Variants in CELSR1 observed in about 807,000 individuals in gnomAD.
The protein encoded by CELSR1 is adhesion G protein-coupled receptor C1.
A neutral mutation model predicts 249.1 loss-of-function variants in CELSR1; 110 were observed. The observed-to-expected ratio is 0.44, with a 90% CI of 0.38 to 0.52. The LOEUF (loss-of-function observed/expected upper bound fraction) is 0.52. Among genes scored for constraint, CELSR1 ranks in the 20% least tolerant of loss-of-function variants. The pLI, the probability that CELSR1 is intolerant of heterozygous loss-of-function variation, is 0.00. For synonymous variants in CELSR1, 2,113 were observed against 1,900.0 expected (o/e 1.11, Z -2.92); for missense variants, 4,109 against 4,296.4 (o/e 0.96, Z 1.22).
At chr22:46,397,104 TTTTA>T (rs1380793062) in intron 12 of CELSR1, among the ~76,000 whole-genome samples, 3 of 151,958 alleles carry the variant, frequency 2.0e-5, no homozygotes, top group Non-Finnish European at 4.4e-5. Context: ...TCACTAATTC[TTTTA>T]TTTATTTATT....
rs1297845473 is a variant in CELSR1 at position 46,473,855 on chromosome 22, C to A, written c.3545-9510G>T. ...TTTTAGAGGCCAGATTGGGGCCAGA[C>A]AACAGGTGCGATGTGTTGATCCTGC... On this transcript the variant is annotated intron_variant, in intron 1 of 34. Transcript: ENST00000674500. The surrounding 1 kb of genome is among the most constrained non-coding windows in gnomAD (Gnocchi z 6.6). 6.6e-6 allele frequency among the ~76,000 whole-genome samples: 1 copy of A among 152,110 alleles called. No individual in the cohort carries two copies. The highest frequency in any genetic ancestry group is 1.5e-5 in the Non-Finnish European group (1 of 68,022).
At chr22:46,499,851 G>A (rs1408556954) in intron 1 of CELSR1, among the ~76,000 whole-genome samples, 1 of 152,010 alleles carries the variant, frequency 6.6e-6, no homozygotes. Flanking sequence ...TCATCTGTCA[G>A]ACATAAAACC....
At position 46,420,409 on chromosome 22, in the gene CELSR1, TG is replaced by T. The variant is rs201941655; in HGVS notation, c.4612-8651del. On this transcript the variant is annotated intron_variant, in intron 5 of 34. Transcript: ENST00000674500. Reference sequence around the variant, plus strand: ...GCACTCACCCACACATTTACACGTGTGCTTCTTCACACACGTGCACACACCC... The same window carrying T: ...GCACTCACCCACACATTTACACGTGTCTTCTTCACACACGTGCACACACCC... Among the ~76,000 whole-genome samples, 851 of 151,602 alleles carry T rather than the reference TG, an allele frequency of 5.6e-3. 10 individuals are homozygous for T. Among genetic ancestry groups the T allele is most frequent in the African/African-American group, 0.016 (657 of 41,324 alleles).
intron 1 of CELSR1, among the ~76,000 whole-genome samples, chr22:46,510,869 C>T (rs180791488): frequency 6.6e-6 from 1 of 152,136 alleles, no homozygotes; most frequent in South Asian, 2.1e-4. Context: ...CCCACCAGCA[C>T]TTCAGGAGGC....
intron 1 of CELSR1, among the ~76,000 whole-genome samples, chr22:46,478,448 C>A (rs148709643): frequency 6.6e-6 from 1 of 152,348 alleles, no homozygotes; most frequent in Non-Finnish European, 1.5e-5. Flanking sequence ...GACAATGCGG[C>A]CCTGAGCACC....
intron 2 of CELSR1, among the ~76,000 whole-genome samples, chr22:46,456,655 T>A (rs1280798201): frequency 2.1e-5 from 2 of 94,886 alleles, no homozygotes; most frequent in Non-Finnish European, 1.9e-5. Context: ...AGAGCGAGAC[T>A]CTGTCTAAAA....
In CELSR1 at chr22:46,363,281, G is replaced by A. The variant is rs1331625504; in HGVS notation, c.9036-34C>T. 13 of 1,583,324 alleles carry A rather than the reference G, an allele frequency of 8.2e-6. No individual in the cohort carries two copies. In the Admixed American group the frequency reaches 1.3e-4, roughly 16 times the overall value. On this transcript the variant is annotated intron_variant, in intron 34 of 34. Coordinates refer to ENST00000674500, the MANE Select transcript of CELSR1 (RefSeq NM_001378328.1). This position sits in a 1 kb window ranked among gnomAD's most constrained non-coding sequence, Gnocchi z 4.3. ...GGGAAGAAGCCAGCAAGCAGGTGAA[G>A]GGTCAGTGAGGGTAGCGGCTTGGTG... is the stretch of plus-strand genomic sequence containing the variant.
intron 12 of CELSR1, 84 bp downstream of exon 12, chr22:46,397,590 T>C (rs1300649395): frequency 2.3e-5 from 29 of 1,266,250 alleles, no homozygotes; most frequent in Admixed American, 3.4e-5. Flanking sequence ...CTGGGGACGC[T>C]AATGTCTAAA....
rs1342968000 is a variant in CELSR1, at chr22:46,399,347, C to CT, written c.5412+369dup. Among the ~76,000 whole-genome samples, 1 of 152,206 alleles carries CT rather than the reference C, an allele frequency of 6.6e-6. No homozygotes were observed. The highest frequency in any genetic ancestry group is 2.4e-5 in the African/African-American group (1 of 41,444). ...CCCAGTTTTGCTCCCCATCCATGCTCTGAGGGCACGGGCCCCAGCATTGCT... is the reference window on the plus strand; with the variant it reads ...CCCAGTTTTGCTCCCCATCCATGCTCTTGAGGGCACGGGCCCCAGCATTGCT... On this transcript the variant is annotated intron_variant, in intron 10 of 34. Transcript: ENST00000674500. The surrounding 1 kb of genome is among the most constrained non-coding windows in gnomAD (Gnocchi z 5.0).
Position 46,463,890 on chromosome 22 carries a change from T to C in CELSR1, c.4000A>G (p.Thr1334Ala). 6.2e-7 allele frequency: 1 copy of C among 1,612,948 alleles called. No homozygotes were observed. The highest frequency in any genetic ancestry group is 2.2e-5 in the East Asian group (1 of 44,822). ...TGGATGGGCCGGAAGAGCACGGTGG[T>C]GGAGCTGAGGAAGGGCGCGGAGCTG... ...FDSSAPFLSS[T>A]TVLFRPIHPI... The change falls in exon 2 of 35, where the codon ACC becomes GCC. Residue 1334 changes from threonine (T) to alanine (A), a missense_variant. By Grantham distance (58) the Thr-to-Ala change is moderately conservative (BLOSUM62 0). This residue lies in a region of CELSR1 where 141 missense variants were observed against 209.4 expected (regional missense o/e 0.67). Transcript: ENST00000674500.
chr22:46,367,121 G>A lies in CELSR1; in HGVS notation c.8080-3C>T, dbSNP rs750726241. On this transcript the variant is annotated splice_polypyrimidine_tract_variant and splice_region_variant and intron_variant, in intron 28 of 34. Coordinates refer to ENST00000674500, the MANE Select transcript of CELSR1 (RefSeq NM_001378328.1). ...TGGAAAAGGAGGACGAAGGGGCCCT[G>A]GAGGGAGGAAGGTGGGGTCAGCACC... is the stretch of plus-strand genomic sequence containing the variant. 1.9e-6 allele frequency: 3 copies of A among 1,610,252 alleles called. No homozygotes were observed. Among genetic ancestry groups the A allele is most frequent in the South Asian group, 1.1e-5 (1 of 90,640 alleles).
At position 46,445,694 on chromosome 22, in the gene CELSR1, A is replaced by G. The variant is rs181084855; in HGVS notation, c.4184-6283T>C. On this transcript the variant is annotated intron_variant, in intron 2 of 34. Coordinates refer to ENST00000674500, the MANE Select transcript of CELSR1 (RefSeq NM_001378328.1). The surrounding 1 kb of genome is among the most constrained non-coding windows in gnomAD (Gnocchi z 4.4). The stretch of plus-strand genomic sequence containing the variant: ...AGTGGCCCTCCGTGTTTGTCCTGGA[A>G]TTGCAATCGCGTACATTCTAGCCTC... 9.7e-4 allele frequency among the ~76,000 whole-genome samples: 148 copies of G among 152,282 alleles called. 1 individual carries two copies. The South Asian group carries it at 0.017, about 18-fold the overall frequency.
intron 25 of CELSR1, chr22:46,370,172 C>A (rs1297941756): frequency 8.6e-6 from 4 of 464,284 alleles, no homozygotes; most frequent in African/African-American, 7.9e-5. Context: ...ATGTAGAGGT[C>A]AGGAGGCCAT....
intron 25 of CELSR1, among the ~76,000 whole-genome samples, chr22:46,372,255 CCCAT>C (rs1292644058): frequency 1.4e-5 from 2 of 144,982 alleles, no homozygotes; most frequent in African/African-American, 2.6e-5. Context: ...CACCCCTCCA[CCCAT>C]CCATCCATCC....
intron 1 of CELSR1, among the ~76,000 whole-genome samples, chr22:46,529,940 G>A (rs1233160406): frequency 6.6e-6 from 1 of 152,090 alleles, no homozygotes; most frequent in Admixed American, 6.6e-5. Flanking sequence ...TGCTTGAGGG[G>A]ATGGAGACCC....
rs148649879 is a variant in CELSR1 at position 46,441,014 on chromosome 22, G to C, written c.4184-1603C>G. On this transcript the variant is annotated intron_variant, in intron 2 of 34. Transcript: ENST00000674500. This position sits in a 1 kb window ranked among gnomAD's most constrained non-coding sequence, Gnocchi z 6.1. ...CTAAAAATACAAAAATTAGCCAGGC[G>C]TGGTGGCGGGTGCCTGTAATCCCAT... is the stretch of plus-strand genomic sequence containing the variant. Among the ~76,000 whole-genome samples the C allele has an allele frequency of 3.3e-5, 5 of 152,038 alleles. No homozygotes were observed. Among genetic ancestry groups the C allele is most frequent in the African/African-American group, 1.2e-4 (5 of 41,380 alleles).
intron 20 of CELSR1, 54 bp downstream of exon 20, chr22:46,384,489 C>G: frequency 6.5e-7 from 1 of 1,530,130 alleles, no homozygotes; most frequent in Non-Finnish European, 8.8e-7. Context: ...GGGCCCTCCC[C>G]TCCCTGAACG....
Position 46,517,014 on chromosome 22 carries a change from G to A in CELSR1, c.3544+16613C>T, listed in dbSNP as rs2080634921. Among the ~76,000 whole-genome samples, 1 of 152,192 alleles carries A rather than the reference G, an allele frequency of 6.6e-6. No homozygotes were observed. Among genetic ancestry groups the A allele is most frequent in the African/African-American group, 2.4e-5 (1 of 41,444 alleles). ...CAAAGGAACCTTTATCACCCATAAG[G>A]GATGAGCTGGGCTCATCCACTTCCT... On this transcript the variant is annotated intron_variant, in intron 1 of 34. Coordinates refer to ENST00000674500, the MANE Select transcript of CELSR1 (RefSeq NM_001378328.1). The surrounding 1 kb of genome is among the most constrained non-coding windows in gnomAD (Gnocchi z 5.4).
At position 46,536,359 on chromosome 22, in the gene CELSR1, T is replaced by C. The variant is rs954987390; in HGVS notation, c.812A>G (p.Tyr271Cys). The part of the protein sequence containing the change: ...GTLILQLHAH[Y>C]TIEGEEERVS... ...GCGCTCCTCCTCGCCCTCGATGGTG[T>C]AGTGCGCGTGCAGCTGGAGGATGAG... The change falls in exon 1 of 35, where the codon TAC becomes TGC. Residue 271 changes from tyrosine to cysteine, a missense_variant. By Grantham distance (194) the Tyr-to-Cys change is radical. Coordinates refer to ENST00000674500, the MANE Select transcript of CELSR1 (RefSeq NM_001378328.1). 1.9e-6 allele frequency: 3 copies of C among 1,612,394 alleles called. No individual in the cohort carries two copies. The highest frequency in any genetic ancestry group is 2.5e-6 in the Non-Finnish European group (3 of 1,179,664).
Sources: allele counts gnomAD v4.1 joint callset (sites outside exome capture counted in the v4.1 genomes callset), GRCh38; gene constraint gnomAD v4.1.1; regional missense constraint gnomAD v4.1.1; non-coding constraint Gnocchi (gnomAD v3.1); transcripts MANE v1.5; gene names NCBI Gene and HGNC (gene_info 2026-07-23, HGNC 2026-07-21).